The following DPP10 variants were observed in gnomAD, a reference collection of about 807,000 sequenced individuals.
The protein encoded by DPP10 is inactive dipeptidyl peptidase 10.
DPP10 carries 33 observed loss-of-function variants against 120.9 expected under a neutral mutation model. The observed-to-expected ratio is 0.27, with a 90% CI of 0.21 to 0.37. The LOEUF (loss-of-function observed/expected upper bound fraction) is 0.37, where lower values mean the gene tolerates loss of function less well. Ranked by LOEUF, DPP10 falls within the 10% of genes least tolerant of loss-of-function variation. The probability of loss-of-function intolerance (pLI) is 1.00; values close to 1 mark genes in which losing one functional copy is unlikely to be tolerated. For synonymous variants in DPP10, 337 were observed against 326.1 expected, an observed-to-expected ratio of 1.03 and a Z score of -0.36; for missense variants, 816 against 942.8, an observed-to-expected ratio of 0.87 and a Z score of 1.76.
At chr2:114,900,657 C>A (rs1040861650) in intron 1 of DPP10, among the ~76,000 whole-genome samples, 56 of 152,094 alleles carry the variant, frequency 3.7e-4, no homozygotes, top group Admixed American at 9.2e-4. Context: ...CCTTCATCCT[C>A]TTCATGTTTC....
intron 1 of DPP10, among the ~76,000 whole-genome samples, chr2:114,543,970 T>A (rs1224418030): frequency 6.6e-6 from 1 of 152,102 alleles, no homozygotes; most frequent in Non-Finnish European, 1.5e-5. Flanking sequence ...TCAACAAATT[T>A]ATTTTAATCA....
intron 1 of DPP10, among the ~76,000 whole-genome samples, chr2:114,957,877 T>A (rs1698330154): frequency 6.6e-6 from 1 of 152,192 alleles, no homozygotes; most frequent in South Asian, 2.1e-4. Flanking sequence ...TCACATAATG[T>A]CCCTTACATA....
At chr2:115,478,789 C>T (rs1180621547) in intron 3 of DPP10, among the ~76,000 whole-genome samples, 1 of 152,038 alleles carries the variant, frequency 6.6e-6, no homozygotes, top group African/African-American at 2.4e-5. Flanking sequence ...ATCCAATAAT[C>T]ATGAAAAAAG....
chr2:115,461,317 C>T (rs971089179), intron 3 of DPP10, among the ~76,000 whole-genome samples: 2 of 151,856 alleles, frequency 1.3e-5, no homozygotes, highest in African/African-American at 4.8e-5. Context: ...ATATATTTGT[C>T]TATTAAATTT....
intron 1 of DPP10, among the ~76,000 whole-genome samples, chr2:115,266,643 T>A (rs71418542): frequency 0.036 from 5,522 of 152,272 alleles, 214 homozygotes; most frequent in East Asian, 0.19. Context: ...TTGTCCAGAA[T>A]GGTTACTGTC....
chr2:115,548,767 TATATTCATTTGAAA>T (rs1339983344), intron 5 of DPP10, among the ~76,000 whole-genome samples: 1 of 152,148 alleles, frequency 6.6e-6, no homozygotes, highest in African/African-American at 2.4e-5. Flanking sequence ...GAGACAGCTG[TATATTCATTTGAAA>T]ATAGCATTCG....
At chr2:115,683,663 G>T (rs973036719) in intron 5 of DPP10, among the ~76,000 whole-genome samples, 1 of 151,716 alleles carries the variant, frequency 6.6e-6, no homozygotes, top group Non-Finnish European at 1.5e-5. Flanking sequence ...TGCTCTAAAT[G>T]TGTCTATTTT....
chr2:114,588,333 C>CA (rs1406621923), intron 1 of DPP10, among the ~76,000 whole-genome samples: 1 of 152,110 alleles, frequency 6.6e-6, no homozygotes, highest in Non-Finnish European at 1.5e-5. Flanking sequence ...CAAATAGTCA[C>CA]AAAAGTGCCA....
chr2:115,620,831 CTT>C (rs1213675330), intron 5 of DPP10, among the ~76,000 whole-genome samples: 9 of 152,124 alleles, frequency 5.9e-5, no homozygotes, highest in African/African-American at 2.2e-4. Context: ...AGTTAGATAA[CTT>C]TTTGAGAGCG....
At chr2:114,909,114 C>T (rs2106635220) in intron 1 of DPP10, among the ~76,000 whole-genome samples, 1 of 151,786 alleles carries the variant, frequency 6.6e-6, no homozygotes. Flanking sequence ...TTTGAAATTT[C>T]TTCTCAATAA....
At chr2:115,312,408 C>T (rs2061617793) in intron 2 of DPP10, among the ~76,000 whole-genome samples, 1 of 152,132 alleles carries the variant, frequency 6.6e-6, no homozygotes, top group African/African-American at 2.4e-5. Context: ...CAGAGTAATA[C>T]ATAAGGCCAG....
intron 1 of DPP10, among the ~76,000 whole-genome samples, chr2:114,780,665 G>A (rs2106193074): frequency 6.6e-6 from 1 of 151,890 alleles, no homozygotes; most frequent in South Asian, 2.1e-4. Context: ...TATTTAAAGG[G>A]CATTATTATG....
At chr2:114,730,737 A>G (rs10194063) in intron 1 of DPP10, among the ~76,000 whole-genome samples, 20,885 of 151,728 alleles carry the variant, frequency 0.14, 1,836 homozygotes, top group African/African-American at 0.25. Flanking sequence ...GGGACTACCG[A>G]CATGCACCAC....
chr2:114,643,373 C>T (rs1286502809), intron 1 of DPP10, among the ~76,000 whole-genome samples: 4 of 151,868 alleles, frequency 2.6e-5, no homozygotes, highest in Non-Finnish European at 5.9e-5. Flanking sequence ...TGGTGCAACC[C>T]ATGCACACTT....
chr2:115,066,336 A>T (rs946383916), intron 1 of DPP10, among the ~76,000 whole-genome samples: 3 of 152,018 alleles, frequency 2.0e-5, no homozygotes, highest in African/African-American at 7.2e-5. Context: ...CACTTTATGC[A>T]TATGAACACA....
At chr2:114,674,428 C>T (rs1486464926) in intron 1 of DPP10, among the ~76,000 whole-genome samples, 2 of 151,932 alleles carry the variant, frequency 1.3e-5, no homozygotes, top group Non-Finnish European at 2.9e-5. Flanking sequence ...ATTAGCAATG[C>T]CACAATGATA....
At chr2:114,716,948 C>T (rs967876146) in intron 1 of DPP10, among the ~76,000 whole-genome samples, 4 of 152,090 alleles carry the variant, frequency 2.6e-5, no homozygotes, top group African/African-American at 7.2e-5. Context: ...AAATATAAGA[C>T]GTACACAGCT....
intron 15 of DPP10, among the ~76,000 whole-genome samples, chr2:115,780,552 A>T (rs759613318): frequency 6.6e-6 from 1 of 151,876 alleles, no homozygotes; most frequent in African/African-American, 2.4e-5. Flanking sequence ...AGAAATATCT[A>T]TTAAAAATGC....
At chr2:115,202,944 GAAAC>G (rs3034999) in intron 1 of DPP10, among the ~76,000 whole-genome samples, 9,686 of 152,056 alleles carry the variant, frequency 0.064, 334 homozygotes, top group Middle Eastern at 0.11. Flanking sequence ...CAAACGTTGA[GAAAC>G]AAACAAACAA....
Sources: gnomAD v4.1 joint callset for allele counts (sites outside exome capture counted in the v4.1 genomes callset) on GRCh38, gnomAD v4.1.1 for gene constraint, MANE v1.5 for transcripts, NCBI Gene and HGNC (gene_info 2026-07-23, HGNC 2026-07-21) for gene names.